Variants in KLHL3 observed in about 807,000 individuals in gnomAD.
The protein encoded by KLHL3 is kelch-like protein 3.
A neutral mutation model predicts 70.5 loss-of-function variants in KLHL3; 19 were observed. The observed-to-expected ratio is 0.27, with a 90% CI of 0.19 to 0.40. The LOEUF (loss-of-function observed/expected upper bound fraction) is 0.40, where lower values mean the gene tolerates loss of function less well. KLHL3 is among the 10% of genes least tolerant of loss of function. The pLI is 1.00. For missense variants in KLHL3, 512 were observed against 771.1 expected (o/e 0.66, Z 3.98); for synonymous variants, 258 against 290.3 (o/e 0.89, Z 1.13).
At chr5:137,720,886 T>A in intron 1 of KLHL3, 1 of 1,153,338 alleles carries the variant, frequency 8.7e-7, no homozygotes, top group Non-Finnish European at 1.1e-6. Context: ...AAGCACTCTA[T>A]CACTCACTTC....
chr5:137,694,696 A>G (rs1469981928), intron 4 of KLHL3, among the ~76,000 whole-genome samples: 1 of 152,194 alleles, frequency 6.6e-6, no homozygotes, highest in African/African-American at 2.4e-5. Flanking sequence ...CCATAGGTTG[A>G]CCAATCATGC....
rs187463311 is a variant in KLHL3, at chr5:137,689,044, T to C, written c.526+3241A>G. Among the ~76,000 whole-genome samples the C allele has an allele frequency of 4.6e-3, 701 of 152,326 alleles. 10 individuals carry two copies. Among genetic ancestry groups the C allele is most frequent in the South Asian group, 0.045 (216 of 4,824 alleles). On this transcript the variant is annotated intron_variant, in intron 5 of 14. Coordinates refer to ENST00000309755, the MANE Select transcript of KLHL3 (RefSeq NM_017415.3). ...AAGGAGAAAACACAGACGTTGAAAG[T>C]TGGGAAAAGCCAGGCCAGAAGAGCC...
chr5:137,699,396 C>A (rs1752519696), intron 3 of KLHL3, among the ~76,000 whole-genome samples: 1 of 152,062 alleles, frequency 6.6e-6, no homozygotes, highest in Non-Finnish European at 1.5e-5. Flanking sequence ...CCCTGTAAGT[C>A]AAGCTGGGAC....
rs142453622 is a variant in KLHL3, at chr5:137,697,952, G to A, written c.363+335C>T. Among the ~76,000 whole-genome samples, 44 of 152,276 alleles carry A rather than the reference G, an allele frequency of 2.9e-4. No individual in the cohort carries two copies. The East Asian group carries it at 8.1e-3, about 28-fold the overall frequency. ...ATTCTGAGATGAGACGATGACCTGG[G>A]GAGAATAGGAGTCACCTAAGCTCCC... On this transcript the variant is annotated intron_variant, in intron 4 of 14. Transcript: ENST00000309755.
Position 137,720,492 on chromosome 5 carries a change from G to A in KLHL3, c.107C>T (p.Ala36Val). 1 of 1,614,134 alleles carries A rather than the reference G, an allele frequency of 6.2e-7. No individual in the cohort carries two copies. The highest frequency in any genetic ancestry group is 8.5e-7 in the Non-Finnish European group (1 of 1,180,006). ...ITVNPAHMGK[A>V]FKVMNELRSK... ...CCGCAGTTCATTCATAACCTTGAAT[G>A]CTTTCCCCATGTGGGCAGGGTTGAC... Residue 36 changes from alanine (A) to valine (V), a missense_variant, in exon 2 of 15, where the codon GCA becomes GTA. Coordinates refer to ENST00000309755, the MANE Select transcript of KLHL3 (RefSeq NM_017415.3).
intron 1 of KLHL3, among the ~76,000 whole-genome samples, chr5:137,733,041 C>T (rs967660070): frequency 6.6e-6 from 1 of 152,090 alleles, no homozygotes; most frequent in African/African-American, 2.4e-5. Flanking sequence ...CATTAGCAAT[C>T]CCTTGGTTGA....
intron 1 of KLHL3, among the ~76,000 whole-genome samples, chr5:137,731,393 G>C (rs1009523464): frequency 5.3e-5 from 8 of 152,214 alleles, no homozygotes; most frequent in African/African-American, 1.9e-4. Context: ...CTTGCCGCTG[G>C]GAACAGAAAA....
rs1752853411 is a variant in KLHL3, at chr5:137,714,297, GTT to G, written c.135-4443_135-4442del. Among the ~76,000 whole-genome samples the G allele has an allele frequency of 2.0e-5, 3 of 152,000 alleles. No homozygotes were observed. The South Asian group carries it at 6.2e-4, about 32-fold the overall frequency. ...TTTGGCAGTTCCTCCAAAGATTAAA[GTT>G]GCCATATGACCCAATAATCCCACTC... On this transcript the variant is annotated intron_variant, in intron 2 of 14. Transcript: ENST00000309755.
intron 14 of KLHL3, among the ~76,000 whole-genome samples, chr5:137,624,644 T>A (rs915100136): frequency 6.6e-6 from 1 of 152,234 alleles, no homozygotes; most frequent in Non-Finnish European, 1.5e-5. Flanking sequence ...AAAATGGGAA[T>A]CGGAAGAATA....
chr5:137,732,138 C>A (rs1475286135), intron 1 of KLHL3, among the ~76,000 whole-genome samples: 1 of 152,170 alleles, frequency 6.6e-6, no homozygotes, highest in African/African-American at 2.4e-5. Context: ...ATTGCAAGGG[C>A]AACTGCCATT....
chr5:137,634,772 A>G (rs1750727035), intron 11 of KLHL3, among the ~76,000 whole-genome samples: 1 of 152,174 alleles, frequency 6.6e-6, no homozygotes, highest in Non-Finnish European at 1.5e-5. Flanking sequence ...GCCATGCACA[A>G]GAGCCCTGAG....
intron 2 of KLHL3, among the ~76,000 whole-genome samples, chr5:137,714,397 T>C (rs1752855283): frequency 6.6e-6 from 1 of 152,198 alleles, no homozygotes. Flanking sequence ...CATAGCAACA[T>C]TATTTATAAT....
intron 2 of KLHL3, among the ~76,000 whole-genome samples, chr5:137,718,558 T>C (rs755456397): frequency 2.6e-5 from 4 of 152,198 alleles, no homozygotes; most frequent in Non-Finnish European, 5.9e-5. Flanking sequence ...GTGCAGGGAA[T>C]CTTGTGTACA....
At chr5:137,650,079 A>G (rs1291851491) in intron 8 of KLHL3, among the ~76,000 whole-genome samples, 3 of 152,224 alleles carry the variant, frequency 2.0e-5, no homozygotes, top group Admixed American at 1.3e-4. Context: ...TTTAAACAAT[A>G]CTACTTGTAT....
At position 137,658,390 on chromosome 5, in the gene KLHL3, C is replaced by T. The variant is rs565436057; in HGVS notation, c.754-110G>A. On this transcript the variant is annotated intron_variant, in intron 7 of 14. Transcript: ENST00000309755. ...ACTCCCACACTCATTCATTCCTTCA[C>T]CACATCATCTCAGACCCAAAGAGTT... The T allele has an allele frequency of 1.6e-4, 160 of 1,026,470 alleles. 1 individual carries two copies. In the South Asian group the frequency reaches 2.0e-3, roughly 13 times the overall value. The allele number at this position is 1,026,470 out of a possible 1,614,324, so 63.6% of individuals were successfully genotyped here. A position where few individuals can be genotyped will look rare whatever the true frequency, so the allele number is the denominator to read the frequency against.
At chr5:137,698,989 G>A (rs779140837) in intron 3 of KLHL3, among the ~76,000 whole-genome samples, 6 of 152,268 alleles carry the variant, frequency 3.9e-5, no homozygotes, top group African/African-American at 7.2e-5. Context: ...GAGCACAGGA[G>A]GGTAGGTAAT....
At chr5:137,633,238 C>A (rs1750682892) in intron 12 of KLHL3, among the ~76,000 whole-genome samples, 3 of 144,502 alleles carry the variant, frequency 2.1e-5, no homozygotes, top group Admixed American at 1.4e-4. Context: ...GAGATAGCGC[C>A]ACTGCACTCT....
At chr5:137,734,244 G>A (rs895230604) in intron 1 of KLHL3, among the ~76,000 whole-genome samples, 2 of 152,120 alleles carry the variant, frequency 1.3e-5, no homozygotes, top group African/African-American at 4.8e-5. Context: ...CCAGATCAAT[G>A]GGACACTGTT....
At chr5:137,665,866 G>T (rs1169501221) in intron 6 of KLHL3, among the ~76,000 whole-genome samples, 1 of 152,152 alleles carries the variant, frequency 6.6e-6, no homozygotes, top group Non-Finnish European at 1.5e-5. Context: ...GAAGGGGAAA[G>T]GGGAAGGGAA....
Sources: gnomAD v4.1 joint callset for allele counts (sites outside exome capture counted in the v4.1 genomes callset) on GRCh38, gnomAD v4.1.1 for gene constraint, MANE v1.5 for transcripts, NCBI Gene and HGNC (gene_info 2026-07-23, HGNC 2026-07-21) for gene names.